TPO: variants seen among roughly 807,000 people sequenced by gnomAD.
TPO encodes thyroid microsomal antigen.
Under a neutral mutation model 96.9 loss-of-function variants are expected in TPO, and 78 were observed. The ratio of observed to expected loss-of-function variants is 0.81; its 90% CI spans 0.67 to 0.97. The LOEUF (loss-of-function observed/expected upper bound fraction) is 0.97. TPO is among the 50% of genes least tolerant of loss of function. The pLI, the probability that TPO is intolerant of heterozygous loss-of-function variation, is 0.00. For synonymous variants in TPO, 547 were observed against 538.0 expected (o/e 1.02, Z -0.23); for missense variants, 1,252 against 1,274.8 (o/e 0.98, Z 0.27).
intron 2 of TPO, among the ~76,000 whole-genome samples, chr2:1,418,136 A>C (rs1268424146): frequency 6.6e-6 from 1 of 152,136 alleles, no homozygotes; most frequent in Non-Finnish European, 1.5e-5. Flanking sequence ...TACAAAAAAA[A>C]ATTAGCTGGG....
Position 1,542,755 on chromosome 2 carries a change from A to T in TPO, c.*281A>T. The stretch of plus-strand genomic sequence containing the variant: ...CATCTTTATTTTGTGAACCCTGGAA[A>T]CACCACTCTTGCAATCCTCCTGTCT... On this transcript the variant is annotated 3_prime_UTR_variant, in exon 17 of 17. Coordinates refer to ENST00000329066, the MANE Select transcript of TPO (RefSeq NM_001206744.2). 1.2e-6 allele frequency: 1 copy of T among 865,030 alleles called. No homozygotes were observed. The highest frequency in any genetic ancestry group is 1.7e-6 in the Non-Finnish European group (1 of 581,434). 53.6% of individuals were successfully genotyped at this position (865,030 alleles called of 1,614,324 possible).
intron 7 of TPO, among the ~76,000 whole-genome samples, chr2:1,473,570 C>T (rs1188189346): frequency 1.3e-5 from 2 of 151,840 alleles, no homozygotes; most frequent in African/African-American, 4.8e-5. Context: ...ATTAATTTAT[C>T]TATTTCAAAA....
At chr2:1,542,239 G>C (rs1023228257) in intron 16 of TPO, 182 bp from the exon 17 acceptor site, 5 of 797,378 alleles carry the variant, frequency 6.3e-6, no homozygotes, top group African/African-American at 1.7e-5. Flanking sequence ...CTGCAAACAA[G>C]CATTTGTCCG....
At chr2:1,485,458 C>A (rs1382296875) in intron 9 of TPO, among the ~76,000 whole-genome samples, 1 of 152,084 alleles carries the variant, frequency 6.6e-6, no homozygotes, top group Admixed American at 6.5e-5. Flanking sequence ...ATTTCTAGTT[C>A]TAGATGCTTG....
intron 8 of TPO, among the ~76,000 whole-genome samples, chr2:1,480,776 G>T (rs28445930): frequency 0.1 from 9,774 of 93,798 alleles, 243 homozygotes; most frequent in Non-Finnish European, 0.14. Context: ...CCCTCCTCCT[G>T]CATCCGTCCA....
chr2:1,388,131 C>T (rs1221456060), intron 1 of TPO, among the ~76,000 whole-genome samples: 1 of 152,218 alleles, frequency 6.6e-6, no homozygotes, highest in Non-Finnish European at 1.5e-5. Flanking sequence ...CTCGGGGGTG[C>T]CTCCCAGTTA....
At chr2:1,523,025 G>C (rs1218789012) in intron 15 of TPO, among the ~76,000 whole-genome samples, 1 of 98,406 alleles carries the variant, frequency 1.0e-5, no homozygotes, top group Non-Finnish European at 2.0e-5. Context: ...CCCCAACTCT[G>C]TGCAACCTCC....
intron 5 of TPO, among the ~76,000 whole-genome samples, chr2:1,443,373 C>T (rs1322694769): frequency 6.7e-6 from 1 of 149,492 alleles, no homozygotes; most frequent in Non-Finnish European, 1.5e-5. Flanking sequence ...ATGGGGCAGG[C>T]TCCTTCTTGT....
chr2:1,457,460 C>CAA (rs1667922694), intron 7 of TPO, among the ~76,000 whole-genome samples: 1 of 14,038 alleles, frequency 7.1e-5, no homozygotes, highest in Admixed American at 9.6e-4. Context: ...TGTGGGTACA[C>CAA]ATATATAGCA....
At position 1,423,030 on chromosome 2, in the gene TPO, C is replaced by T. The variant is rs1277445726; in HGVS notation, c.95-15C>T. On this transcript the variant is annotated splice_polypyrimidine_tract_variant and intron_variant, in intron 2 of 16. Coordinates refer to ENST00000329066, the MANE Select transcript of TPO (RefSeq NM_001206744.2). ...CTGTCATTGCGCTTTGACTGTGTGA[C>T]ATTCTGTTCCGTAGGAAAGCCTGAG... 1.2e-6 allele frequency: 2 copies of T among 1,613,588 alleles called. No homozygotes were observed. The highest frequency in any genetic ancestry group is 2.2e-5 in the East Asian group (1 of 44,884).
intron 1 of TPO, among the ~76,000 whole-genome samples, chr2:1,403,119 C>T (rs1334514572): frequency 6.6e-6 from 1 of 152,202 alleles, no homozygotes; most frequent in Non-Finnish European, 1.5e-5. Context: ...CTGCTCATGA[C>T]CTAAGCCCTT....
chr2:1,414,736 A>C (rs1415978483), intron 2 of TPO, among the ~76,000 whole-genome samples: 1 of 152,142 alleles, frequency 6.6e-6, no homozygotes. Context: ...GACAATTTTC[A>C]CTTTTACCTA....
intron 1 of TPO, among the ~76,000 whole-genome samples, chr2:1,375,724 G>T (rs549822153): frequency 1.8e-4 from 27 of 152,088 alleles, no homozygotes; most frequent in Admixed American, 9.2e-4. Context: ...TTCCTTCACC[G>T]TGTCTACATC....
At chr2:1,430,542 C>T (rs1664872747) in intron 3 of TPO, among the ~76,000 whole-genome samples, 1 of 152,192 alleles carries the variant, frequency 6.6e-6, no homozygotes, top group Admixed American at 6.5e-5. Context: ...GGGAAGGGGG[C>T]CATCGCCCTG....
intron 4 of TPO, 85 bp from the exon 5 acceptor site, chr2:1,436,167 A>T: frequency 6.2e-7 from 1 of 1,604,202 alleles, no homozygotes; most frequent in Non-Finnish European, 8.5e-7. Flanking sequence ...CAGATGCTGG[A>T]GTCACTTTTG....
chr2:1,400,579 A>G (rs1365131353), intron 1 of TPO, among the ~76,000 whole-genome samples: 1 of 148,304 alleles, frequency 6.7e-6, no homozygotes, highest in Non-Finnish European at 1.5e-5. Context: ...AAAAAAAAAA[A>G]AAAAAAAAAG....
At chr2:1,522,153 T>C (rs1675351728) in intron 15 of TPO, among the ~76,000 whole-genome samples, 1 of 140,408 alleles carries the variant, frequency 7.1e-6, no homozygotes, top group African/African-American at 2.7e-5. Flanking sequence ...TTACAGTCTC[T>C]ACCCCACACT....
rs199893928 is a variant in TPO at position 1,471,440 on chromosome 2, A to ACCC, written c.820-5639_820-5637dup. Among the ~76,000 whole-genome samples the ACCC allele has an allele frequency of 1.7e-3, 248 of 146,092 alleles. 5 individuals are homozygous for ACCC. The highest frequency in any genetic ancestry group is 5.4e-3 in the African/African-American group (212 of 39,542). On this transcript the variant is annotated intron_variant, in intron 7 of 16. Transcript: ENST00000329066. ...AGTTAAGACTATGTATTTTCCTGTG[A>ACCC]CCCCCCCCCACAAATTTTGATACAT...
At position 1,462,541 on chromosome 2, in the gene TPO, C is replaced by CACACACAT. The variant is rs58980999; in HGVS notation, c.819+6260_819+6261insCACACATA. ...AAACACACACACACACACACACACA[C>CACACACAT]AGATATCAATGAAAGATAAATGAAC... On this transcript the variant is annotated intron_variant, in intron 7 of 16. Coordinates refer to ENST00000329066, the MANE Select transcript of TPO (RefSeq NM_001206744.2). Among the ~76,000 whole-genome samples the CACACACAT allele has an allele frequency of 9.6e-4, 142 of 148,012 alleles. 10 individuals are homozygous for CACACACAT. The highest frequency in any genetic ancestry group is 3.6e-3 in the East Asian group (18 of 5,012).
Sources: gnomAD v4.1 joint callset for allele counts (sites outside exome capture counted in the v4.1 genomes callset) on GRCh38, gnomAD v4.1.1 for gene constraint, MANE v1.5 for transcripts, NCBI Gene and HGNC (gene_info 2026-07-23, HGNC 2026-07-21) for gene names.